TSPAN7: variants seen among roughly 807,000 people sequenced by gnomAD.
The protein encoded by TSPAN7 is tetraspanin-7.
A neutral mutation model predicts 17.6 loss-of-function variants in TSPAN7; 1 was observed. The ratio of observed to expected loss-of-function variants is 0.06; its 90% CI spans 0.02 to 0.27. The LOEUF (loss-of-function observed/expected upper bound fraction) is 0.27, where lower values mean the gene tolerates loss of function less well. Ranked by LOEUF, TSPAN7 falls within the 10% of genes least tolerant of loss-of-function variation. The pLI is 1.00. For synonymous variants in TSPAN7, 78 were observed against 79.0 expected (o/e 0.99, Z 0.07); for missense variants, 112 against 201.7 (o/e 0.56, Z 2.69).
intron 1 of TSPAN7, among the ~76,000 whole-genome samples, chrX:38,583,162 A>T (rs2069236729): frequency 8.9e-6 from 1 of 112,342 alleles, no homozygotes; most frequent in African/African-American, 3.2e-5. Flanking sequence ...CTGATAAAAG[A>T]CCCATTATGG....
chrX:38,569,260 A>G (rs895620229), intron 1 of TSPAN7, among the ~76,000 whole-genome samples: 3 of 111,193 alleles, frequency 2.7e-5, no homozygotes, highest in African/African-American at 9.8e-5. Flanking sequence ...TTTTGGTCTC[A>G]TCAGATATCC....
chrX:38,597,279 C>T (rs953793473), intron 1 of TSPAN7, among the ~76,000 whole-genome samples: 3 of 111,298 alleles, frequency 2.7e-5, no homozygotes, highest in African/African-American at 9.8e-5. Flanking sequence ...AGGCAATGCT[C>T]TACTTTCTTA....
chrX:38,610,202 T>C (rs939324479), intron 1 of TSPAN7, among the ~76,000 whole-genome samples: 2 of 111,795 alleles, frequency 1.8e-5, no homozygotes, highest in African/African-American at 6.5e-5. Context: ...TTTTGTGATC[T>C]ATGGGTATTC....
At chrX:38,612,237 G>A (rs2069423349) in intron 1 of TSPAN7, 2 of 111,826 alleles carry the variant, frequency 1.8e-5, no homozygotes, top group East Asian at 5.6e-4. Flanking sequence ...CAGCAGGAAT[G>A]TGGTGGGGGC....
intron 1 of TSPAN7, among the ~76,000 whole-genome samples, chrX:38,583,173 T>C (rs924185886): frequency 8.9e-6 from 1 of 112,506 alleles, no homozygotes; most frequent in Non-Finnish European, 1.9e-5. Flanking sequence ...CCCATTATGG[T>C]CCTCACTGTA....
intron 1 of TSPAN7, among the ~76,000 whole-genome samples, chrX:38,641,819 G>A (rs745848050): frequency 4.5e-5 from 5 of 111,328 alleles, no homozygotes; most frequent in African/African-American, 9.8e-5. Flanking sequence ...AATAGGTACC[G>A]GAAAAGGAAA....
chrX:38,578,186 T>C, intron 1 of TSPAN7, among the ~76,000 whole-genome samples: 1 of 111,779 alleles, frequency 8.9e-6, no homozygotes, highest in Non-Finnish European at 1.9e-5. Context: ...CATATGTTCA[T>C]TTAAGAGGCA....
At chrX:38,656,788 C>T (rs976686880) in intron 1 of TSPAN7, among the ~76,000 whole-genome samples, 1 of 111,881 alleles carries the variant, frequency 8.9e-6, no homozygotes, top group African/African-American at 3.3e-5. Context: ...CTTTCACATG[C>T]TCTTGGACTC....
intron 1 of TSPAN7, among the ~76,000 whole-genome samples, chrX:38,651,634 G>T (rs2069676825): frequency 8.9e-6 from 1 of 112,072 alleles, no homozygotes; most frequent in African/African-American, 3.2e-5. Flanking sequence ...GGGGCAGGAG[G>T]GCTGAGCAGG....
At chrX:38,647,850 A>G (rs1356445742) in intron 1 of TSPAN7, among the ~76,000 whole-genome samples, 1 of 112,173 alleles carries the variant, frequency 8.9e-6, no homozygotes, top group Non-Finnish European at 1.9e-5. Context: ...TAATAAATTC[A>G]TTGTTCAGGG....
chrX:38,663,254 C>G (rs147699300), intron 1 of TSPAN7, among the ~76,000 whole-genome samples: 6,626 of 110,877 alleles, frequency 0.06, 500 homozygotes, highest in African/African-American at 0.21. Flanking sequence ...TTTGCAGCAA[C>G]CTGGATGGAA....
In TSPAN7 at chrX:38,562,454, T is replaced by C. The variant is rs369627805; in HGVS notation, c.81+827T>C. ...CCCATCTATCCAGTGCTGCCGCCGG[T>C]CCTTGAAGCTCAATGCAGAAGGGTG... On this transcript the variant is annotated intron_variant, in intron 1 of 7. Coordinates refer to ENST00000378482, the MANE Select transcript of TSPAN7 (RefSeq NM_004615.4). Among the ~76,000 whole-genome samples the C allele has an allele frequency of 4.8e-3, 521 of 108,839 alleles. 5 individuals carry two copies. The highest frequency in any genetic ancestry group is 0.017 in the African/African-American group (496 of 29,915). The allele number at this position is 108,839 out of a possible 115,157, so 94.5% of individuals were successfully genotyped here.
In TSPAN7 at chrX:38,576,119, A is replaced by G. The variant is rs185090349; in HGVS notation, c.81+14492A>G. On this transcript the variant is annotated intron_variant, in intron 1 of 7. Coordinates refer to ENST00000378482, the MANE Select transcript of TSPAN7 (RefSeq NM_004615.4). The stretch of plus-strand genomic sequence containing the variant: ...AGCAGCATAGACAATATGTAAATGA[A>G]TGAGTAAGGCTATAGTCCAATAAAA... 2.2e-4 allele frequency among the ~76,000 whole-genome samples: 25 copies of G among 112,444 alleles called. 1 individual carries two copies. Among genetic ancestry groups the G allele is most frequent in the Non-Finnish European group, 4.1e-4 (22 of 53,260 alleles).
At chrX:38,644,492 A>G (rs1216051011) in intron 1 of TSPAN7, among the ~76,000 whole-genome samples, 1 of 112,068 alleles carries the variant, frequency 8.9e-6, no homozygotes, top group Non-Finnish European at 1.9e-5. Context: ...CACTATATAC[A>G]GTCCTGATAA....
chrX:38,592,019 G>A (rs2069295228), intron 1 of TSPAN7, among the ~76,000 whole-genome samples: 1 of 111,819 alleles, frequency 8.9e-6, no homozygotes, highest in Non-Finnish European at 1.9e-5. Context: ...GAAGGCAAAG[G>A]GGAAGCCAGC....
At chrX:38,584,327 C>T (rs2069245968) in intron 1 of TSPAN7, among the ~76,000 whole-genome samples, 1 of 111,323 alleles carries the variant, frequency 9.0e-6, no homozygotes, top group Non-Finnish European at 1.9e-5. Context: ...ATAACGTCCA[C>T]ATGGGCATTA....
At chrX:38,621,671 G>C (rs1407371746) in intron 1 of TSPAN7, among the ~76,000 whole-genome samples, 1 of 111,878 alleles carries the variant, frequency 8.9e-6, no homozygotes, top group African/African-American at 3.3e-5. Flanking sequence ...TGGGTGAAAG[G>C]CAGATTCTTT....
intron 1 of TSPAN7, among the ~76,000 whole-genome samples, chrX:38,655,312 G>C (rs1399598643): frequency 9.1e-6 from 1 of 110,335 alleles, no homozygotes; most frequent in Non-Finnish European, 1.9e-5. Flanking sequence ...ATTTTTAGGG[G>C]GGCCAAAAAC....
At chrX:38,658,368 T>C (rs2069717704) in intron 1 of TSPAN7, among the ~76,000 whole-genome samples, 1 of 108,287 alleles carries the variant, frequency 9.2e-6, no homozygotes. Context: ...TTTTTAGAGA[T>C]GGGGTCTCAC....
Sources: gnomAD v4.1 joint callset for allele counts (sites outside exome capture counted in the v4.1 genomes callset) on GRCh38, gnomAD v4.1.1 for gene constraint, MANE v1.5 for transcripts, NCBI Gene and HGNC (gene_info 2026-07-23, HGNC 2026-07-21) for gene names.